Variants in GPT2 observed in about 807,000 individuals in gnomAD.
The protein encoded by GPT2 is glutamic--pyruvic transaminase 2.
A neutral mutation model predicts 56.9 loss-of-function variants in GPT2; 30 were observed. That is an observed-to-expected ratio of 0.53 (90% confidence interval 0.39 to 0.72). GPT2 has a LOEUF of 0.72. Ranked by LOEUF, GPT2 falls within the 30% of genes least tolerant of loss-of-function variation. GPT2 has a pLI of 0.00. For synonymous variants in GPT2, 271 were observed against 283.1 expected (o/e 0.96, Z 0.43); for missense variants, 542 against 703.4 (o/e 0.77, Z 2.60).
intron 10 of GPT2, 98 bp downstream of exon 10, chr16:46,924,642 C>T (rs765693791): frequency 9.5e-5 from 127 of 1,333,956 alleles, no homozygotes; most frequent in Non-Finnish European, 1.3e-4. Context: ...AGTGCTGGCC[C>T]TGGAGGCTCG....
At chr16:46,913,403 G>T (rs569139594) in intron 6 of GPT2, among the ~76,000 whole-genome samples, 121 of 152,330 alleles carry the variant, frequency 7.9e-4, no homozygotes, top group African/African-American at 2.6e-3. Context: ...TTACAGGCAG[G>T]TTCTGCTGTC....
chr16:46,904,820 G>A (rs1960887667), intron 4 of GPT2, among the ~76,000 whole-genome samples: 1 of 152,124 alleles, frequency 6.6e-6, no homozygotes, highest in African/African-American at 2.4e-5. Flanking sequence ...CACCTATTGG[G>A]GGAGGGCTCT....
rs758293049 is a variant in GPT2 at position 46,929,024 on chromosome 16, T to C, written c.*27T>C. ...GACGCCTGAGCCCCAGCGGGAGACC[T>C]GTCCTTGGCTCTTCCTCCCAATGCC... On this transcript the variant is annotated 3_prime_UTR_variant, in exon 12 of 12. Coordinates refer to ENST00000340124, the MANE Select transcript of GPT2 (RefSeq NM_133443.4). The C allele has an allele frequency of 6.4e-7, 1 of 1,571,362 alleles. No homozygotes were observed. The highest frequency in any genetic ancestry group is 1.7e-5 in the Admixed American group (1 of 59,910).
chr16:46,910,401 A>AAAAAAAAC, intron 6 of GPT2, among the ~76,000 whole-genome samples: 1 of 150,278 alleles, frequency 6.7e-6, no homozygotes, highest in African/African-American at 2.4e-5. Context: ...AAAAAAAAAA[A>AAAAAAAAC]AAAAAAACTT....
intron 8 of GPT2, among the ~76,000 whole-genome samples, chr16:46,921,483 C>T (rs1428056194): frequency 6.6e-6 from 1 of 152,072 alleles, no homozygotes; most frequent in African/African-American, 2.4e-5. Context: ...CCCCCAAAAG[C>T]ATGTTACTAA....
chr16:46,889,489 G>T (rs1384502957), intron 2 of GPT2, among the ~76,000 whole-genome samples: 1 of 151,622 alleles, frequency 6.6e-6, no homozygotes, highest in African/African-American at 2.4e-5. Context: ...TGCTAGCCTT[G>T]GGTGATCCTC....
intron 4 of GPT2, among the ~76,000 whole-genome samples, chr16:46,905,164 C>T (rs1478024483): frequency 3.3e-5 from 5 of 151,818 alleles, no homozygotes. Flanking sequence ...TCAAGTGATT[C>T]TCCTTTCTCA....
intron 1 of GPT2, 54 bp from the exon 2 acceptor site, chr16:46,884,640 C>G (rs1178905720): frequency 2.3e-6 from 3 of 1,330,864 alleles, no homozygotes; most frequent in African/African-American, 3.0e-5. Flanking sequence ...TGGGGGAGTG[C>G]TGCACGCCTG....
intron 3 of GPT2, 66 bp from the exon 4 acceptor site, chr16:46,900,616 C>T (rs569637208): frequency 7.8e-7 from 1 of 1,284,162 alleles, no homozygotes. Context: ...CCAGTGGCCT[C>T]TGTGCTCCTC....
intron 6 of GPT2, among the ~76,000 whole-genome samples, chr16:46,914,914 T>C (rs1797326452): frequency 6.6e-6 from 1 of 152,148 alleles, no homozygotes; most frequent in South Asian, 2.1e-4. Context: ...AGTTGTATTT[T>C]CCTGCTCTTT....
intron 2 of GPT2, 65 bp from the exon 3 acceptor site, chr16:46,897,583 C>A: frequency 1.3e-6 from 2 of 1,484,258 alleles, no homozygotes; most frequent in Non-Finnish European, 9.4e-7. Context: ...GGAACCTTGC[C>A]TGGCCTCTGG....
At chr16:46,909,560 A>G (rs1241807047) in intron 5 of GPT2, 124 bp from the exon 6 acceptor site, 4 of 1,085,894 alleles carry the variant, frequency 3.7e-6, no homozygotes, top group Middle Eastern at 2.8e-4. Flanking sequence ...GGAAACTGAG[A>G]CTCGGGGAAG....
intron 3 of GPT2, among the ~76,000 whole-genome samples, chr16:46,898,887 T>C (rs148218008): frequency 0.013 from 1,900 of 141,658 alleles, 35 homozygotes; most frequent in African/African-American, 0.046. Context: ...TATATATATA[T>C]ACGTATATAT....
intron 2 of GPT2, 162 bp downstream of exon 2, chr16:46,885,120 T>C: frequency 1.5e-6 from 2 of 1,353,650 alleles, no homozygotes; most frequent in Non-Finnish European, 9.5e-7. Flanking sequence ...GCCCGTTCAC[T>C]TACTGGTGCC....
At chr16:46,894,182 C>T (rs772552724) in intron 2 of GPT2, among the ~76,000 whole-genome samples, 10 of 152,210 alleles carry the variant, frequency 6.6e-5, no homozygotes, top group Admixed American at 5.9e-4. Flanking sequence ...TTCGCGGCAG[C>T]GGCCCTGCAT....
chr16:46,895,393 T>C (rs57616067), intron 2 of GPT2, among the ~76,000 whole-genome samples: 152,111 of 152,172 alleles, frequency 1, 76,025 homozygotes, highest in Middle Eastern at 1. Flanking sequence ...GGTGTGGTGA[T>C]GCTTATCTGT....
intron 11 of GPT2, 97 bp downstream of exon 11, chr16:46,927,134 G>GACAGGGTC: frequency 1.4e-6 from 1 of 707,974 alleles, no homozygotes; most frequent in Non-Finnish European, 2.3e-6. Flanking sequence ...AAAGAGAGAG[G>GACAGGGTC]TGCGGAGACC....
intron 10 of GPT2, 128 bp downstream of exon 10, chr16:46,924,672 G>A: frequency 2.2e-6 from 2 of 926,832 alleles, no homozygotes; most frequent in Non-Finnish European, 1.7e-6. Context: ...GCACCTCTCG[G>A]CCAGAGGGTG....
At chr16:46,909,964 T>C (rs1031464205) in intron 6 of GPT2, 37 bp downstream of exon 6, 6 of 1,549,764 alleles carry the variant, frequency 3.9e-6, no homozygotes, top group Non-Finnish European at 5.2e-6. Flanking sequence ...TCGTAGAGGG[T>C]GGGGGTGGCT....
Sources: allele counts gnomAD v4.1 joint callset (sites outside exome capture counted in the v4.1 genomes callset), GRCh38; gene constraint gnomAD v4.1.1; transcripts MANE v1.5; gene names NCBI Gene and HGNC (gene_info 2026-07-23, HGNC 2026-07-21).